The following CNTN4 variants were observed in gnomAD, a reference collection of about 807,000 sequenced individuals.
CNTN4 encodes the protein contactin 4.
Under a neutral mutation model 122.5 loss-of-function variants are expected in CNTN4, and 77 were observed. That is an observed-to-expected ratio of 0.63 (90% CI 0.52 to 0.76). CNTN4 has a LOEUF of 0.76. Among genes scored for constraint, CNTN4 ranks in the 30% least tolerant of loss-of-function variants. CNTN4 has a pLI of 0.00. For synonymous variants in CNTN4, 512 were observed against 447.0 expected (o/e 1.15, Z -1.83); for missense variants, 1,256 against 1,259.1 (o/e 1.00, Z 0.04).
chr3:2,431,725 G>A (rs2048079938), intron 3 of CNTN4, among the ~76,000 whole-genome samples: 1 of 152,180 alleles, frequency 6.6e-6, no homozygotes, highest in African/African-American at 2.4e-5. Flanking sequence ...AATTGTATAA[G>A]TGTGCAAATT....
intron 4 of CNTN4, among the ~76,000 whole-genome samples, chr3:2,704,291 C>T (rs1576505232): frequency 3.2e-5 from 2 of 62,914 alleles, no homozygotes; most frequent in South Asian, 1.4e-3. Flanking sequence ...AGCGAGACTT[C>T]ATTTCAAAAA....
intron 2 of CNTN4, among the ~76,000 whole-genome samples, chr3:2,148,223 T>C (rs1301702267): frequency 6.6e-6 from 1 of 152,082 alleles, no homozygotes; most frequent in Non-Finnish European, 1.5e-5. Flanking sequence ...TTGGACACAT[T>C]GAGATAAGAT....
chr3:2,138,613 C>T (rs777484829), intron 2 of CNTN4, among the ~76,000 whole-genome samples: 1 of 152,156 alleles, frequency 6.6e-6, no homozygotes, highest in East Asian at 1.9e-4. Context: ...AACAAAAATA[C>T]CGAAGGGGAA....
At chr3:2,941,446 C>G (rs930680042) in intron 13 of CNTN4, among the ~76,000 whole-genome samples, 2 of 152,192 alleles carry the variant, frequency 1.3e-5, no homozygotes, top group Non-Finnish European at 2.9e-5. Flanking sequence ...CAGTCTCCAC[C>G]CTGAACCTTA....
At chr3:2,626,371 C>T (rs146018826) in intron 4 of CNTN4, among the ~76,000 whole-genome samples, 2,205 of 152,050 alleles carry the variant, frequency 0.015, 58 homozygotes, top group African/African-American at 0.05. Context: ...GTGGTGGGCA[C>T]CTGTAGTCCC....
chr3:2,407,014 A>C (rs1285744340), intron 3 of CNTN4, among the ~76,000 whole-genome samples: 1 of 152,180 alleles, frequency 6.6e-6, no homozygotes, highest in Non-Finnish European at 1.5e-5. Context: ...AGTTGCACTT[A>C]TTAGGATTTT....
chr3:2,592,314 T>G (rs1480626156), intron 4 of CNTN4, among the ~76,000 whole-genome samples: 2 of 152,250 alleles, frequency 1.3e-5, no homozygotes, highest in African/African-American at 2.4e-5. Context: ...CTGCATGATT[T>G]ATATCATTGC....
chr3:3,046,676 G>T (rs1259227808), intron 23 of CNTN4, among the ~76,000 whole-genome samples: 1 of 152,072 alleles, frequency 6.6e-6, no homozygotes, highest in African/African-American at 2.4e-5. Context: ...GCAAAAACAT[G>T]CCAAATTGTA....
At chr3:2,519,036 A>T (rs1209872788) in intron 3 of CNTN4, among the ~76,000 whole-genome samples, 1 of 152,176 alleles carries the variant, frequency 6.6e-6, no homozygotes, top group Non-Finnish European at 1.5e-5. Context: ...ATCTGTTTGT[A>T]CAGAATACCC....
chr3:2,477,831 G>C (rs557184048), intron 3 of CNTN4, among the ~76,000 whole-genome samples: 19 of 152,296 alleles, frequency 1.2e-4, no homozygotes, highest in Admixed American at 3.9e-4. Context: ...AAAATGCTGA[G>C]GTATTGCAGG....
intron 2 of CNTN4, among the ~76,000 whole-genome samples, chr3:2,207,421 A>T (rs1462611009): frequency 6.6e-6 from 1 of 152,104 alleles, no homozygotes; most frequent in Non-Finnish European, 1.5e-5. Context: ...ACAAGGGAAA[A>T]GTTCTTATTG....
intron 6 of CNTN4, among the ~76,000 whole-genome samples, chr3:2,777,216 G>A (rs1325180927): frequency 6.6e-6 from 1 of 152,112 alleles, no homozygotes; most frequent in Non-Finnish European, 1.5e-5. Context: ...TATTTAAACA[G>A]AAATTAGTAT....
At chr3:2,300,211 C>A (rs1268994101) in intron 2 of CNTN4, among the ~76,000 whole-genome samples, 1 of 152,144 alleles carries the variant, frequency 6.6e-6, no homozygotes, top group Non-Finnish European at 1.5e-5. Flanking sequence ...AATTGAATAA[C>A]TTTTCTTAGG....
chr3:2,324,677 G>C (rs781654001), intron 2 of CNTN4, among the ~76,000 whole-genome samples: 2 of 152,084 alleles, frequency 1.3e-5, no homozygotes, highest in African/African-American at 2.4e-5. Context: ...AAAGGTAAAG[G>C]AATCACCTTT....
At chr3:2,676,097 A>G (rs2084828153) in intron 4 of CNTN4, among the ~76,000 whole-genome samples, 1 of 152,164 alleles carries the variant, frequency 6.6e-6, no homozygotes, top group African/African-American at 2.4e-5. Flanking sequence ...TGAACAAATT[A>G]CTGTTTATAT....
chr3:2,787,440 C>CTAATT (rs2091871848), intron 6 of CNTN4, among the ~76,000 whole-genome samples: 1 of 152,148 alleles, frequency 6.6e-6, no homozygotes, highest in African/African-American at 2.4e-5. Context: ...TAGTTTACCA[C>CTAATT]TTAAGGAGTA....
At chr3:2,455,634 G>T (rs1218062176) in intron 3 of CNTN4, among the ~76,000 whole-genome samples, 3 of 152,104 alleles carry the variant, frequency 2.0e-5, no homozygotes, top group Admixed American at 2.0e-4. Flanking sequence ...ATGGAGGAAG[G>T]GCGCCTCCAA....
intron 8 of CNTN4, among the ~76,000 whole-genome samples, chr3:2,871,283 A>G (rs1244964429): frequency 2.0e-5 from 3 of 152,256 alleles, no homozygotes; most frequent in Admixed American, 1.3e-4. Flanking sequence ...GTGACAAAAC[A>G]GAAGTATATC....
intron 3 of CNTN4, among the ~76,000 whole-genome samples, chr3:2,361,444 A>G (rs778462117): frequency 3.3e-5 from 5 of 152,190 alleles, no homozygotes; most frequent in Non-Finnish European, 7.3e-5. Flanking sequence ...AATGCAGAAG[A>G]TGGCCTGTAC....
Sources: gnomAD v4.1 joint callset for allele counts (sites outside exome capture counted in the v4.1 genomes callset) on GRCh38, gnomAD v4.1.1 for gene constraint, MANE v1.5 for transcripts, NCBI Gene and HGNC (gene_info 2026-07-23, HGNC 2026-07-21) for gene names.